The following PLB1 variants were observed in gnomAD, a reference collection of about 807,000 sequenced individuals.
PLB1 encodes the protein phospholipase B1.
In PLB1, 242 loss-of-function variants were observed where a neutral mutation model predicts 227.4. The observed-to-expected ratio is 1.06, with a 90% confidence interval of 0.96 to 1.18. The LOEUF (loss-of-function observed/expected upper bound fraction) is 1.18, where lower values mean the gene tolerates loss of function less well. Ranked by LOEUF, PLB1 falls within the 50% of genes most tolerant of loss-of-function variation. The probability of loss-of-function intolerance (pLI) is 0.00; values close to 1 mark genes in which losing one functional copy is unlikely to be tolerated. For missense variants in PLB1, 1,858 were observed against 1,816.3 expected (o/e 1.02, Z -0.42); for synonymous variants, 757 against 682.2 (o/e 1.11, Z -1.71).
chr2:28,636,045 GT>G, intron 56 of PLB1, among the ~76,000 whole-genome samples: 1 of 105,462 alleles, frequency 9.5e-6, no homozygotes, highest in Non-Finnish European at 2.3e-5. Flanking sequence ...GTGTGTGTAT[GT>G]ATGTGTATGT....
rs765197681 is a variant in PLB1, at chr2:28,589,420, C to T, written c.1816-30C>T. 6 of 1,548,128 alleles carry T rather than the reference C, an allele frequency of 3.9e-6. No individual in the cohort carries two copies. The African/African-American group carries it at 5.4e-5, about 14-fold the overall frequency. ...GACCGAGCAGATGCAGAGAGGACTG[C>T]CTGACATCTGTCCCCTTTTCCTCCT... On this transcript the variant is annotated intron_variant, in intron 26 of 57. Coordinates refer to ENST00000327757, the MANE Select transcript of PLB1 (RefSeq NM_153021.5).
chr2:28,606,809 G>C (rs1013072473), intron 43 of PLB1, among the ~76,000 whole-genome samples: 1 of 152,166 alleles, frequency 6.6e-6, no homozygotes, highest in Non-Finnish European at 1.5e-5. Flanking sequence ...GGCCCCAGCA[G>C]AGGGAGAGGA....
chr2:28,622,847 T>A (rs1242496354), intron 49 of PLB1, among the ~76,000 whole-genome samples: 2 of 152,080 alleles, frequency 1.3e-5, no homozygotes, highest in East Asian at 3.9e-4. Flanking sequence ...GATCGTGCCA[T>A]TGCACTCCAG....
Position 28,629,205 on chromosome 2 carries a change from T to G in PLB1, c.3818+20T>G, listed in dbSNP as rs1688255339. ...AGCTCAGTAAGTGGACAGGTCACCGTCCCAAGGCAAGGGCACCTGGGGTGA... is the reference window on the plus strand; with the variant it reads ...AGCTCAGTAAGTGGACAGGTCACCGGCCCAAGGCAAGGGCACCTGGGGTGA... On this transcript the variant is annotated intron_variant, in intron 53 of 57. Transcript: ENST00000327757. The G allele has an allele frequency of 6.2e-7, 1 of 1,610,260 alleles. No individual in the cohort carries two copies. The highest frequency in any genetic ancestry group is 1.1e-5 in the South Asian group (1 of 90,506).
intron 29 of PLB1, among the ~76,000 whole-genome samples, chr2:28,590,602 G>C (rs1681737146): frequency 6.6e-6 from 1 of 152,122 alleles, no homozygotes; most frequent in Non-Finnish European, 1.5e-5. Flanking sequence ...TTGGAGCTCT[G>C]CAGCAGCTGT....
chr2:28,542,863 G>A (rs998482155), intron 13 of PLB1, among the ~76,000 whole-genome samples: 2 of 152,234 alleles, frequency 1.3e-5, no homozygotes, highest in African/African-American at 2.4e-5. Context: ...GTTTAAGAGG[G>A]TGAGGAGAAA....
rs1672049243 is a variant in PLB1 at position 28,538,674 on chromosome 2, T to C, written c.618+293T>C. Among the ~76,000 whole-genome samples the C allele has an allele frequency of 1.3e-5, 2 of 152,134 alleles. 1 individual carries two copies. The highest frequency in any genetic ancestry group is 4.8e-5 in the African/African-American group (2 of 41,442). On this transcript the variant is annotated intron_variant, in intron 10 of 57. Transcript: ENST00000327757. Reference sequence around the variant, plus strand: ...ACCTGAGACTGGGGCGAGGATAAGATGGAGGGGGCCTGAGGACCTTCAAGA... The same window carrying C: ...ACCTGAGACTGGGGCGAGGATAAGACGGAGGGGGCCTGAGGACCTTCAAGA...
intron 25 of PLB1, 70 bp from the exon 26 acceptor site, chr2:28,585,691 C>A: frequency 8.0e-7 from 1 of 1,244,196 alleles, no homozygotes; most frequent in Non-Finnish European, 1.2e-6. Context: ...CTCAAGCCAG[C>A]GTTTCTGCAT....
intron 1 of PLB1, among the ~76,000 whole-genome samples, chr2:28,506,304 A>G (rs1342709207): frequency 1.3e-5 from 2 of 152,152 alleles, no homozygotes; most frequent in African/African-American, 4.8e-5. Context: ...GGCTGGAGGA[A>G]TCTCATGTGG....
chr2:28,587,197 C>A (rs1228777489), intron 26 of PLB1, among the ~76,000 whole-genome samples: 1 of 152,208 alleles, frequency 6.6e-6, no homozygotes, highest in Non-Finnish European at 1.5e-5. Context: ...AAAGTTCATG[C>A]AGTTTCTGGC....
chr2:28,575,633 C>G (rs528078672), intron 21 of PLB1, among the ~76,000 whole-genome samples: 1 of 151,940 alleles, frequency 6.6e-6, no homozygotes, highest in Admixed American at 6.6e-5. Context: ...TGCAGTGGCG[C>G]GATCTCCACT....
In PLB1 at chr2:28,604,887, G is replaced by T; in HGVS notation, c.2961+128G>T. The T allele has an allele frequency of 3.6e-6, 3 of 843,754 alleles. 1 individual carries two copies. Among genetic ancestry groups the T allele is most frequent in the Middle Eastern group, 5.1e-4 (2 of 3,908 alleles). 52.3% of individuals were successfully genotyped at this position (843,754 alleles called of 1,614,324 possible). A position where few individuals can be genotyped will look rare whatever the true frequency, so the allele number is the denominator to read the frequency against. ...AGCTCTCCAGACGCTGTGCTGGCAG[G>T]TGCAGGCTCCCTGAACGCCTGAGCC... is the stretch of plus-strand genomic sequence containing the variant. On this transcript the variant is annotated intron_variant, in intron 41 of 57. Coordinates refer to ENST00000327757, the MANE Select transcript of PLB1 (RefSeq NM_153021.5).
At chr2:28,588,393 A>G (rs1681282239) in intron 26 of PLB1, among the ~76,000 whole-genome samples, 1 of 152,070 alleles carries the variant, frequency 6.6e-6, no homozygotes, top group African/African-American at 2.4e-5. Context: ...CTGAGAGACG[A>G]CCTTCTCTCC....
chr2:28,634,666 G>A (rs1292337859), intron 56 of PLB1, among the ~76,000 whole-genome samples: 3 of 152,156 alleles, frequency 2.0e-5, no homozygotes, highest in Admixed American at 1.3e-4. Flanking sequence ...CCAGCACTTT[G>A]GGAGGCCGAG....
chr2:28,583,167 T>C (rs1396403938), intron 25 of PLB1, among the ~76,000 whole-genome samples: 1 of 151,428 alleles, frequency 6.6e-6, no homozygotes, highest in East Asian at 1.9e-4. Flanking sequence ...ATCTGAAATC[T>C]GAAATGCTCC....
chr2:28,643,795 C>T lies in PLB1; in HGVS notation c.*734C>T, dbSNP rs948665873. On this transcript the variant is annotated 3_prime_UTR_variant, in exon 58 of 58. Coordinates refer to ENST00000327757, the MANE Select transcript of PLB1 (RefSeq NM_153021.5). Reference sequence around the variant, plus strand: ...AAAATGATTGGGACACAAATACCTCCTATATTCTCAACCTGATTTTCTCAA... The same window carrying T: ...AAAATGATTGGGACACAAATACCTCTTATATTCTCAACCTGATTTTCTCAA... 2 of 152,226 alleles carry T rather than the reference C, an allele frequency of 1.3e-5. No individual in the cohort carries two copies. The highest frequency in any genetic ancestry group is 2.9e-5 in the Non-Finnish European group (2 of 68,018). The allele number at this position is 152,226 out of a possible 1,614,324, so 9.4% of individuals were successfully genotyped here.
chr2:28,586,166 G>A (rs968958742), intron 26 of PLB1, among the ~76,000 whole-genome samples: 29 of 152,258 alleles, frequency 1.9e-4, no homozygotes, highest in Admixed American at 1.7e-3. Flanking sequence ...CCCAAACCTC[G>A]ACTCTGCTCG....
intron 56 of PLB1, among the ~76,000 whole-genome samples, chr2:28,639,728 TTC>T (rs1434375345): frequency 2.0e-5 from 3 of 152,246 alleles, no homozygotes; most frequent in African/African-American, 7.2e-5. Context: ...TTAGCATTTA[TTC>T]TGTCACTGTT....
At chr2:28,632,891 T>C (rs1688829611) in intron 55 of PLB1, 53 bp from the exon 56 acceptor site, 2 of 1,365,666 alleles carry the variant, frequency 1.5e-6, no homozygotes, top group Non-Finnish European at 2.1e-6. Context: ...TGAGTGGGGC[T>C]CAGGTAGCAG....
Sources: allele counts gnomAD v4.1 joint callset (sites outside exome capture counted in the v4.1 genomes callset), GRCh38; gene constraint gnomAD v4.1.1; transcripts MANE v1.5; gene names NCBI Gene and HGNC (gene_info 2026-07-23, HGNC 2026-07-21).